The following ARID3A variants were observed in gnomAD, a reference collection of about 807,000 sequenced individuals.
ARID3A encodes the protein AT-rich interaction domain 3A.
In ARID3A, 11 loss-of-function variants were observed where a neutral mutation model predicts 52.7. The observed-to-expected ratio is 0.21, with a 90% CI of 0.13 to 0.35. The LOEUF (loss-of-function observed/expected upper bound fraction) is 0.35. Ranked by LOEUF, ARID3A falls within the 10% of genes least tolerant of loss-of-function variation. ARID3A has a pLI of 1.00. For missense variants in ARID3A, 721 were observed against 838.5 expected (o/e 0.86, Z 1.73); for synonymous variants, 404 against 359.4 (o/e 1.12, Z -1.40).
intron 3 of ARID3A, among the ~76,000 whole-genome samples, chr19:955,857 G>A (rs940240914): frequency 1.3e-5 from 2 of 152,168 alleles, no homozygotes; most frequent in Admixed American, 6.5e-5. Context: ...ACCTCAAACC[G>A]CGGGCGTAAA....
At chr19:969,153 A>G (rs1170123341) in intron 8 of ARID3A, among the ~76,000 whole-genome samples, 1 of 151,946 alleles carries the variant, frequency 6.6e-6, no homozygotes, top group Non-Finnish European at 1.5e-5. Context: ...GTGGGTACAT[A>G]GTAGGTATAT....
rs1568361088 is a variant in ARID3A at position 942,158 on chromosome 19, C to T, written c.693+9416C>T. 3.3e-5 allele frequency among the ~76,000 whole-genome samples: 5 copies of T among 152,152 alleles called. No individual in the cohort carries two copies. Among genetic ancestry groups the T allele is most frequent in the Admixed American group, 1.3e-4 (2 of 15,282 alleles). Reference sequence around the variant, plus strand: ...GTGGCCACCGAGCTATGGACAGGGCCGCTGGGGGTGCACCCCCACCCTCTC... The same window carrying T: ...GTGGCCACCGAGCTATGGACAGGGCTGCTGGGGGTGCACCCCCACCCTCTC... On this transcript the variant is annotated intron_variant, in intron 3 of 8. Coordinates refer to ENST00000263620, the MANE Select transcript of ARID3A (RefSeq NM_005224.3). This position sits in a 1 kb window ranked among gnomAD's most constrained non-coding sequence, Gnocchi z 8.1.
intron 4 of ARID3A, among the ~76,000 whole-genome samples, chr19:963,728 C>T (rs2038089805): frequency 6.6e-6 from 1 of 152,134 alleles, no homozygotes; most frequent in Admixed American, 6.6e-5. Flanking sequence ...TAGCCCAACC[C>T]CCCATGTCGG....
At chr19:931,443 CTG>C (rs1599381812) in intron 2 of ARID3A, among the ~76,000 whole-genome samples, 1 of 134,368 alleles carries the variant, frequency 7.4e-6, no homozygotes, top group South Asian at 2.3e-4. Flanking sequence ...CAAAGTGAGA[CTG>C]TGTCTCAAAA....
intron 8 of ARID3A, among the ~76,000 whole-genome samples, chr19:969,956 G>A (rs963170340): frequency 2.6e-5 from 4 of 151,942 alleles, no homozygotes; most frequent in Non-Finnish European, 5.9e-5. Flanking sequence ...GCCTCCCAAA[G>A]TGCTGGGATT....
In ARID3A at chr19:944,376, C is replaced by G. The variant is rs1320675505; in HGVS notation, c.693+11634C>G. Among the ~76,000 whole-genome samples, 1 of 151,634 alleles carries G rather than the reference C, an allele frequency of 6.6e-6. No homozygotes were observed. ...TGCGTGGGAGTGTCTGGCTGTGTGG[C>G]TGCACGGAGGCCTGTCTGGGTAGGA... On this transcript the variant is annotated intron_variant, in intron 3 of 8. Coordinates refer to ENST00000263620, the MANE Select transcript of ARID3A (RefSeq NM_005224.3). This position sits in a 1 kb window ranked among gnomAD's most constrained non-coding sequence, Gnocchi z 5.9.
chr19:930,529 G>A (rs1265753921), intron 2 of ARID3A, among the ~76,000 whole-genome samples: 2 of 137,726 alleles, frequency 1.5e-5, no homozygotes, highest in Admixed American at 7.3e-5. Context: ...TTTTTTTTTA[G>A]ACAGAGTCTT....
intron 2 of ARID3A, among the ~76,000 whole-genome samples, chr19:931,060 G>A (rs369732160): frequency 4.6e-4 from 70 of 152,194 alleles, no homozygotes; most frequent in Non-Finnish European, 6.3e-4. Context: ...TTGGGAGGCC[G>A]AGGTGGGAGG....
Position 974,533 on chromosome 19 carries a change from A to G in ARID3A, c.*2468A>G, listed in dbSNP as rs2038342502. ...CCTGCTGCCTATCTCTGTCTACCTC[A>G]GGTCTGACTTTTGATGCCAAAATCT... On this transcript the variant is annotated 3_prime_UTR_variant, in exon 9 of 9. Coordinates refer to ENST00000263620, the MANE Select transcript of ARID3A (RefSeq NM_005224.3). 2 of 229,774 alleles carry G rather than the reference A, an allele frequency of 8.7e-6. No individual in the cohort carries two copies. The highest frequency in any genetic ancestry group is 1.3e-3 in the Middle Eastern group (1 of 786). 14.2% of individuals were successfully genotyped at this position (229,774 alleles called of 1,614,324 possible). A position where few individuals can be genotyped will look rare whatever the true frequency, so the allele number is the denominator to read the frequency against.
intron 3 of ARID3A, among the ~76,000 whole-genome samples, chr19:954,661 G>GGGA (rs2037876884): frequency 6.6e-6 from 1 of 152,088 alleles, no homozygotes; most frequent in South Asian, 2.1e-4. Context: ...GTCGGTAAAG[G>GGGA]TGGGTGGGAG....
chr19:948,398 A>G (rs974591345), intron 3 of ARID3A, among the ~76,000 whole-genome samples: 3 of 152,146 alleles, frequency 2.0e-5, no homozygotes, highest in Non-Finnish European at 4.4e-5. Context: ...CGGGAAAAAC[A>G]GCGAGATTCA....
chr19:967,124 C>T (rs2038175796), intron 7 of ARID3A, among the ~76,000 whole-genome samples: 1 of 151,936 alleles, frequency 6.6e-6, no homozygotes, highest in Non-Finnish European at 1.5e-5. Flanking sequence ...CCGGGCGTGG[C>T]AGCGCACCCC....
At chr19:946,158 G>A (rs1281908291) in intron 3 of ARID3A, among the ~76,000 whole-genome samples, 5 of 152,026 alleles carry the variant, frequency 3.3e-5, no homozygotes, top group Non-Finnish European at 5.9e-5. Flanking sequence ...CGCCCCGGCC[G>A]CGTGGAGTGG....
chr19:966,556 C>CT lies in ARID3A; in HGVS notation c.1199-10dup. 1 of 1,512,886 alleles carries CT rather than the reference C, an allele frequency of 6.6e-7. No homozygotes were observed. Among genetic ancestry groups the CT allele is most frequent in the South Asian group, 1.3e-5 (1 of 75,940 alleles). 93.7% of individuals were successfully genotyped at this position (1,512,886 alleles called of 1,614,324 possible). Reference sequence around the variant, plus strand: ...CAGCCCCTCCTGGCCACCAATTCCCCTTTTTTCCTACCTAGAGGAGGACTC... The same window carrying CT: ...CAGCCCCTCCTGGCCACCAATTCCCCTTTTTTTCCTACCTAGAGGAGGACTC... On this transcript the variant is annotated splice_polypyrimidine_tract_variant and intron_variant, in intron 6 of 8. Coordinates refer to ENST00000263620, the MANE Select transcript of ARID3A (RefSeq NM_005224.3).
chr19:937,094 C>G (rs1283386977), intron 3 of ARID3A, among the ~76,000 whole-genome samples: 5 of 152,062 alleles, frequency 3.3e-5, no homozygotes, highest in East Asian at 1.9e-4. Context: ...ACAGCAAAAC[C>G]CTGTCTTTAC....
rs1398740996 is a variant in ARID3A at position 942,482 on chromosome 19, G to A, written c.693+9740G>A. On this transcript the variant is annotated intron_variant, in intron 3 of 8. Transcript: ENST00000263620. The surrounding 1 kb of genome is among the most constrained non-coding windows in gnomAD (Gnocchi z 8.1). ...GGCGGGTGCGGACCGCCTCTTCTCC[G>A]CTCTGCCGGCTGCACATGGCCAGAG... Among the ~76,000 whole-genome samples the A allele has an allele frequency of 2.0e-5, 3 of 152,212 alleles. No individual in the cohort carries two copies. The highest frequency in any genetic ancestry group is 4.8e-5 in the African/African-American group (2 of 41,454).
chr19:932,075 A>T (rs1033941988), intron 2 of ARID3A, among the ~76,000 whole-genome samples: 3 of 151,648 alleles, frequency 2.0e-5, no homozygotes, highest in Non-Finnish European at 4.4e-5. Context: ...AGCTCACTAC[A>T]GCCTCCATCT....
At chr19:931,681 C>T (rs1180402949) in intron 2 of ARID3A, among the ~76,000 whole-genome samples, 24 of 151,770 alleles carry the variant, frequency 1.6e-4, no homozygotes, top group Middle Eastern at 3.2e-3. Flanking sequence ...GGCGTGGTGG[C>T]GGGCGCCTGT....
chr19:969,115 T>C (rs1216087297), intron 8 of ARID3A, among the ~76,000 whole-genome samples: 1 of 152,144 alleles, frequency 6.6e-6, no homozygotes, highest in African/African-American at 2.4e-5. Context: ...TATTTTTTAT[T>C]TTTTTTAATT....
Sources: allele counts gnomAD v4.1 joint callset (sites outside exome capture counted in the v4.1 genomes callset), GRCh38; gene constraint gnomAD v4.1.1; non-coding constraint Gnocchi (gnomAD v3.1); transcripts MANE v1.5; gene names NCBI Gene and HGNC (gene_info 2026-07-23, HGNC 2026-07-21).